EXOG: variants seen among roughly 807,000 people sequenced by gnomAD.
The protein encoded by EXOG is exo/endonuclease G, also known as nuclease EXOG, mitochondrial.
Under a neutral mutation model 25.8 loss-of-function variants are expected in EXOG, and 27 were observed. The ratio of observed to expected loss-of-function variants is 1.05; its 90% confidence interval spans 0.77 to 1.45. The LOEUF (loss-of-function observed/expected upper bound fraction) is 1.45, where lower values mean the gene tolerates loss of function less well. Ranked by LOEUF, EXOG falls within the 40% of genes most tolerant of loss-of-function variation. The pLI is 0.00. For synonymous variants in EXOG, 133 were observed against 167.0 expected (o/e 0.80, Z 1.57); for missense variants, 458 against 450.5 (o/e 1.02, Z -0.15).
At position 38,524,138 on chromosome 3, in the gene EXOG, T is replaced by C; in HGVS notation, c.883T>C (p.Ser295Pro). Residue 295 changes from serine (S) to proline (P), a missense_variant, in exon 6 of 6, where the codon TCT (serine) becomes CCT (proline). Ser to Pro is a moderately conservative substitution (Grantham distance 74, BLOSUM62 -1). Coordinates refer to ENST00000287675, the MANE Select transcript of EXOG (RefSeq NM_005107.4). ...DRTSDIRNIC[S>P]VDTCKLLDFQ... is the part of the protein sequence containing the mutation. ...AACTAGTGATATCCGGAATATCTGC[T>C]CTGTGGACACCTGTAAGCTCCTGGA... 6.2e-7 allele frequency: 1 copy of C among 1,614,160 alleles called. No individual in the cohort carries two copies. Among genetic ancestry groups the C allele is most frequent in the Middle Eastern group, 1.6e-4 (1 of 6,062 alleles).
In EXOG at chr3:38,524,860, G is replaced by T; in HGVS notation, c.*498G>T. On this transcript the variant is annotated 3_prime_UTR_variant, in exon 6 of 6. Transcript: ENST00000287675. ...GATGTAGAGTATTGGGAAGGCATTT[G>T]TTTAGTTTCATGCCTCCAAACCATG... is the stretch of plus-strand genomic sequence containing the variant. The T allele has an allele frequency of 1.0e-6, 1 of 986,304 alleles. No homozygotes were observed. The highest frequency in any genetic ancestry group is 1.2e-6 in the Non-Finnish European group (1 of 830,664). 61.1% of individuals were successfully genotyped at this position (986,304 alleles called of 1,614,324 possible).
chr3:38,506,707 A>G (rs993440268), intron 4 of EXOG, 147 bp from the exon 5 acceptor site: 34 of 408,626 alleles, frequency 8.3e-5, no homozygotes, highest in African/African-American at 6.9e-4. Context: ...ATAATTGTTT[A>G]TATGCTTATA....
At chr3:38,504,729 C>T (rs535991202) in intron 4 of EXOG, among the ~76,000 whole-genome samples, 83 of 152,126 alleles carry the variant, frequency 5.5e-4, no homozygotes, top group Non-Finnish European at 7.4e-5. Context: ...CCACCACGCA[C>T]GGCCACTATT....
At chr3:38,511,467 G>T (rs1005364774) in intron 5 of EXOG, among the ~76,000 whole-genome samples, 2 of 152,180 alleles carry the variant, frequency 1.3e-5, no homozygotes, top group Non-Finnish European at 2.9e-5. Flanking sequence ...TCACAGTCCT[G>T]TATCAAGGAA....
chr3:38,501,793 C>T (rs932949877), intron 3 of EXOG, among the ~76,000 whole-genome samples: 4 of 152,158 alleles, frequency 2.6e-5, no homozygotes, highest in East Asian at 1.9e-4. Flanking sequence ...TTGCCCAGGT[C>T]GGAGCACAGT....
At position 38,506,894 on chromosome 3, in the gene EXOG, G is replaced by C; in HGVS notation, c.571G>C (p.Asp191His). 1 of 1,606,062 alleles carries C rather than the reference G, an allele frequency of 6.2e-7. No homozygotes were observed. Among genetic ancestry groups the C allele is most frequent in the Non-Finnish European group, 8.5e-7 (1 of 1,173,012 alleles). ...YCRELTERFE[D>H]VWVVSGPLTL... ...TCGAGAGCTGACAGAAAGGTTTGAAGATGTTTGGGTGGTATCTGGGCCTTT... is the reference window on the plus strand; with the variant it reads ...TCGAGAGCTGACAGAAAGGTTTGAACATGTTTGGGTGGTATCTGGGCCTTT... The change falls in exon 5 of 6, where the codon GAT becomes CAT. Residue 191 changes from aspartate (D) to histidine (H), a missense_variant. This residue lies in a region of EXOG where 178 missense variants were observed against 203.7 expected (regional missense o/e 0.87). Transcript: ENST00000287675.
intron 4 of EXOG, 112 bp downstream of exon 4, chr3:38,503,803 C>A (rs2060118438): frequency 3.2e-6 from 2 of 625,926 alleles, no homozygotes; most frequent in Non-Finnish European, 5.5e-6. Context: ...AAAAGCTAAG[C>A]CTCTGAAGGT....
chr3:38,521,957 T>C (rs1157069746), intron 5 of EXOG, among the ~76,000 whole-genome samples: 3 of 152,250 alleles, frequency 2.0e-5, no homozygotes, highest in Admixed American at 2.0e-4. Flanking sequence ...AATTGTGGAC[T>C]TCCATAGGGT....
intron 4 of EXOG, 137 bp downstream of exon 4, chr3:38,503,828 A>C: frequency 1.9e-6 from 1 of 514,494 alleles, no homozygotes; most frequent in Non-Finnish European, 3.4e-6. Context: ...ATGTTGGGCC[A>C]GTTTTCTTTG....
Position 38,525,685 on chromosome 3 carries a change from A to G in EXOG, c.*1323A>G, listed in dbSNP as rs2060851788. 15 of 957,976 alleles carry G rather than the reference A, an allele frequency of 1.6e-5. No individual in the cohort carries two copies. The highest frequency in any genetic ancestry group is 1.9e-5 in the Non-Finnish European group (15 of 804,904). 59.3% of individuals were successfully genotyped at this position (957,976 alleles called of 1,614,324 possible). A position where few individuals can be genotyped will look rare whatever the true frequency, so the allele number is the denominator to read the frequency against. On this transcript the variant is annotated 3_prime_UTR_variant, in exon 6 of 6. Transcript: ENST00000287675. ...CAGCCAGGCATGGTGGCTCAGGCCT[A>G]TAATCTCAGCACTTTGGGAAATCGA...
chr3:38,498,807 G>A (rs1053825909), intron 2 of EXOG: 15 of 402,852 alleles, frequency 3.7e-5, no homozygotes, highest in African/African-American at 8.2e-5. Flanking sequence ...GGGGGAAGGT[G>A]ATGTGAAATG....
intron 5 of EXOG, among the ~76,000 whole-genome samples, chr3:38,507,860 T>C (rs973925250): frequency 6.6e-6 from 1 of 151,970 alleles, no homozygotes; most frequent in African/African-American, 2.4e-5. Context: ...CAGACCAGGC[T>C]CAGTGGCTCA....
intron 2 of EXOG, chr3:38,500,256 A>C (rs1034703348): frequency 2.0e-4 from 30 of 153,078 alleles, no homozygotes; most frequent in African/African-American, 7.2e-4. Flanking sequence ...AGCATGGTTT[A>C]ATACGGTTCT....
chr3:38,496,928 C>T, intron 1 of EXOG: 1 of 1,151,608 alleles, frequency 8.7e-7, no homozygotes, highest in East Asian at 6.6e-5. Flanking sequence ...AATTGGCATT[C>T]AGTAAGTATG....
intron 5 of EXOG, among the ~76,000 whole-genome samples, chr3:38,511,746 A>T (rs1056941324): frequency 6.6e-6 from 1 of 152,194 alleles, no homozygotes; most frequent in Non-Finnish European, 1.5e-5. Flanking sequence ...CTTTGCTTTG[A>T]TACTTACTTG....
chr3:38,518,468 G>T (rs779482861), intron 5 of EXOG, among the ~76,000 whole-genome samples: 1 of 152,160 alleles, frequency 6.6e-6, no homozygotes, highest in South Asian at 2.1e-4. Context: ...CTCAAGCAAC[G>T]AATAATTTGA....
In EXOG at chr3:38,524,257, T is replaced by A; in HGVS notation, c.1002T>A (p.Asn334Lys). The A allele has an allele frequency of 7.4e-6, 12 of 1,614,132 alleles. No individual in the cohort carries two copies. The highest frequency in any genetic ancestry group is 1.0e-5 in the Non-Finnish European group (12 of 1,180,018). ...RLEKIMENLKNAEIEPDDYFM... is the reference protein window; with the variant it reads ...RLEKIMENLKKAEIEPDDYFM... ...AAAAGATCATGGAAAACTTGAAGAATGCAGAGATTGAACCAGATGATTACT... is the reference window on the plus strand; with the variant it reads ...AAAAGATCATGGAAAACTTGAAGAAAGCAGAGATTGAACCAGATGATTACT... The change falls in exon 6 of 6, where the codon AAT becomes AAA. Residue 334 changes from asparagine (N) to lysine (K), a missense_variant. Coordinates refer to ENST00000287675, the MANE Select transcript of EXOG (RefSeq NM_005107.4).
rs746276326 is a variant in EXOG, at chr3:38,496,507, C to T, written c.140C>T (p.Ala47Val). 6.2e-6 allele frequency: 10 copies of T among 1,612,818 alleles called. 1 individual carries two copies. The East Asian group carries it at 2.2e-4, about 36-fold the overall frequency. ...QFFRSQGAEGALTGKQPDGSA... is the reference protein window; with the variant it reads ...QFFRSQGAEGVLTGKQPDGSA... ...TTCCGGAGTCAGGGCGCTGAGGGAG[C>T]GTTGACAGGGAAGCAGCCGGATGGT... is the stretch of plus-strand genomic sequence containing the variant. Residue 47 changes from alanine to valine, a missense_variant, in exon 1 of 6, where the codon GCG (alanine) becomes GTG (valine). Ala to Val is a moderately conservative substitution (Grantham distance 64). Transcript: ENST00000287675.
At chr3:38,506,999 A>C (rs746156085) in intron 5 of EXOG, 31 bp downstream of exon 5, 2 of 936,966 alleles carry the variant, frequency 2.1e-6, no homozygotes, top group Admixed American at 1.9e-5. Flanking sequence ...GGTTTATGTT[A>C]TCTGTATGAG....
Sources: gnomAD v4.1 joint callset for allele counts (sites outside exome capture counted in the v4.1 genomes callset) on GRCh38, gnomAD v4.1.1 for gene constraint, gnomAD v4.1.1 regional missense constraint, MANE v1.5 for transcripts, NCBI Gene and HGNC (gene_info 2026-07-23, HGNC 2026-07-21) for gene names.